Variants in CSNK1E observed in about 807,000 individuals in gnomAD.
The protein encoded by CSNK1E is casein kinase I isoform epsilon.
A neutral mutation model predicts 46.1 loss-of-function variants in CSNK1E; 17 were observed. That is an observed-to-expected ratio of 0.37 (90% CI 0.25 to 0.55). CSNK1E has a LOEUF of 0.55. Among genes scored for constraint, CSNK1E ranks in the 20% least tolerant of loss-of-function variants. CSNK1E has a pLI of 0.82. For synonymous variants in CSNK1E, 241 were observed against 242.6 expected (o/e 0.99, Z 0.06); for missense variants, 386 against 595.4 (o/e 0.65, Z 3.66).
chr22:38,306,746 A>T (rs1346863124), intron 2 of CSNK1E, among the ~76,000 whole-genome samples: 1 of 146,542 alleles, frequency 6.8e-6, no homozygotes, highest in African/African-American at 2.6e-5. Context: ...AAAAAAAAAA[A>T]AATTAAAAAT....
intron 2 of CSNK1E, among the ~76,000 whole-genome samples, chr22:38,310,962 A>C (rs2092718319): frequency 6.6e-6 from 1 of 152,206 alleles, no homozygotes; most frequent in Non-Finnish European, 1.5e-5. Context: ...CAAACCAACA[A>C]GACAGGGGCC....
intron 1 of CSNK1E, among the ~76,000 whole-genome samples, chr22:38,316,033 A>C (rs2092743751): frequency 6.6e-6 from 1 of 151,862 alleles, no homozygotes; most frequent in South Asian, 2.1e-4. Context: ...AAAGCCTCCC[A>C]GAGGAGAGCA....
chr22:38,305,322 G>C (rs765884513), intron 2 of CSNK1E, among the ~76,000 whole-genome samples: 1 of 151,254 alleles, frequency 6.6e-6, no homozygotes, highest in South Asian at 2.1e-4. Flanking sequence ...TCCACTCAAC[G>C]TTTAATAAGA....
At chr22:38,296,992 T>A in intron 7 of CSNK1E, 1 of 651,264 alleles carries the variant, frequency 1.5e-6, no homozygotes, top group Non-Finnish European at 2.8e-6. Context: ...CAGGCTGGTC[T>A]TAAACTCCTG....
chr22:38,296,547 G>T (rs763586703), intron 7 of CSNK1E: 1 of 1,611,656 alleles, frequency 6.2e-7, no homozygotes, highest in Admixed American at 1.7e-5. Context: ...CACTACAGTG[G>T]CCGTGGCATT....
intron 2 of CSNK1E, among the ~76,000 whole-genome samples, chr22:38,304,506 C>A (rs1373894148): frequency 6.6e-6 from 1 of 152,190 alleles, no homozygotes; most frequent in African/African-American, 2.4e-5. Context: ...GTACATCCTT[C>A]AGAAACACGT....
chr22:38,307,101 G>A (rs7284708), intron 2 of CSNK1E, among the ~76,000 whole-genome samples: 19,840 of 152,112 alleles, frequency 0.13, 1,379 homozygotes, highest in Admixed American at 0.21. Context: ...AACCTAGTAA[G>A]TCAAGGTTGC....
At chr22:38,302,013 A>G (rs1162356893) in intron 4 of CSNK1E, among the ~76,000 whole-genome samples, 1 of 152,184 alleles carries the variant, frequency 6.6e-6, no homozygotes, top group African/African-American at 2.4e-5. Flanking sequence ...AGGGCTTAGT[A>G]CTTAACAACA....
In CSNK1E at chr22:38,294,582, G is replaced by A; in HGVS notation, c.886-48C>T. 1 of 1,509,850 alleles carries A rather than the reference G, an allele frequency of 6.6e-7. No homozygotes were observed. Among genetic ancestry groups the A allele is most frequent in the Non-Finnish European group, 8.9e-7 (1 of 1,125,070 alleles). The allele number at this position is 1,509,850 out of a possible 1,614,324, so 93.5% of individuals were successfully genotyped here. On this transcript the variant is annotated intron_variant, in intron 7 of 10. Transcript: ENST00000396832. This position sits in a 1 kb window ranked among gnomAD's most constrained non-coding sequence, Gnocchi z 5.5. The stretch of plus-strand genomic sequence containing the variant: ...ACCAGTCAGCCCCAGAGGCCAGGGT[G>A]CTCTGGGCCCAGCAGCCCTGCAGGG...
intron 1 of CSNK1E, among the ~76,000 whole-genome samples, chr22:38,315,962 C>T (rs139777354): frequency 6.6e-6 from 1 of 152,222 alleles, no homozygotes; most frequent in Non-Finnish European, 1.5e-5. Flanking sequence ...AGTCGCTCCC[C>T]AACACCCCAG....
intron 2 of CSNK1E, among the ~76,000 whole-genome samples, chr22:38,310,980 G>A (rs771390564): frequency 2.6e-5 from 4 of 152,210 alleles, no homozygotes; most frequent in African/African-American, 7.2e-5. Context: ...GCCCAGGAGG[G>A]TGCTGGCAGG....
chr22:38,299,072 G>A (rs1171083933), intron 6 of CSNK1E, 138 bp from the exon 7 acceptor site: 15 of 928,538 alleles, frequency 1.6e-5, no homozygotes, highest in Non-Finnish European at 2.1e-5. Flanking sequence ...AGGCAACAGA[G>A]CCATGGCCTT....
At position 38,294,360 on chromosome 22, in the gene CSNK1E, A is replaced by G; in HGVS notation, c.1060T>C (p.Ser354Pro). 6.4e-7 allele frequency: 1 copy of G among 1,564,550 alleles called. No homozygotes were observed. Among genetic ancestry groups the G allele is most frequent in the Non-Finnish European group, 8.6e-7 (1 of 1,158,668 alleles). ...TGCTCACCAGCCGGCTGGATGCGGGAGGCTGGCGTGGAAGCCACGGGCTCG... is the reference window on the plus strand; with the variant it reads ...TGCTCACCAGCCGGCTGGATGCGGGGGGCTGGCGTGGAAGCCACGGGCTCG... ...AAEPVASTPA[S>P]RIQPAGNTSP... is the part of the protein sequence containing the mutation. Residue 354 changes from serine (S) to proline (P), a missense_variant, in exon 8 of 11, where the codon TCC becomes CCC. Coordinates refer to ENST00000396832, the MANE Select transcript of CSNK1E (RefSeq NM_152221.3). The surrounding 1 kb of genome is among the most constrained non-coding windows in gnomAD (Gnocchi z 5.5).
chr22:38,311,214 A>T (rs983159825), intron 2 of CSNK1E, among the ~76,000 whole-genome samples: 4 of 151,926 alleles, frequency 2.6e-5, no homozygotes, highest in Non-Finnish European at 5.9e-5. Flanking sequence ...ACTTTGCACG[A>T]CCCCATTTTG....
intron 2 of CSNK1E, among the ~76,000 whole-genome samples, 190 bp downstream of exon 2, chr22:38,313,892 G>A (rs1463774607): frequency 6.6e-6 from 1 of 152,126 alleles, no homozygotes; most frequent in African/African-American, 2.4e-5. Context: ...GCCCAGCCTG[G>A]CCTGCGAGAG....
At chr22:38,311,159 G>A (rs2092719191) in intron 2 of CSNK1E, among the ~76,000 whole-genome samples, 1 of 152,162 alleles carries the variant, frequency 6.6e-6, no homozygotes, top group Non-Finnish European at 1.5e-5. Context: ...CAGCACTACT[G>A]CTGGGCCCAG....
At chr22:38,301,333 A>G (rs987714271) in intron 4 of CSNK1E, among the ~76,000 whole-genome samples, 16 of 152,216 alleles carry the variant, frequency 1.1e-4, no homozygotes, top group African/African-American at 3.9e-4. Context: ...GGCAGGGAAC[A>G]TGGGGGAAGC....
intron 2 of CSNK1E, among the ~76,000 whole-genome samples, chr22:38,313,361 A>G (rs2092729253): frequency 6.6e-6 from 1 of 152,184 alleles, no homozygotes; most frequent in Non-Finnish European, 1.5e-5. Flanking sequence ...AAGCACCAAC[A>G]CTAAATACCT....
chr22:38,300,844 C>T lies in CSNK1E; in HGVS notation c.445G>A (p.Asp149Asn). Residue 149 changes from aspartate (D) to asparagine (N), a missense_variant, in exon 5 of 11, where the codon GAC becomes AAC. Physicochemically the swap from Asp to Asn is conservative, Grantham distance 23 (BLOSUM62 1). Transcript: ENST00000396832. The surrounding 1 kb of genome is among the most constrained non-coding windows in gnomAD (Gnocchi z 4.4). The stretch of plus-strand genomic sequence containing the variant: ...CGGTACTTCTTGGCCAGGCCGAAGT[C>T]GATGATGTAGACCAGGTTGCCCTTC... ...GKKGNLVYII[D>N]FGLAKKYRDA... 1.2e-6 allele frequency: 2 copies of T among 1,614,192 alleles called. No homozygotes were observed. Among genetic ancestry groups the T allele is most frequent in the Non-Finnish European group, 1.7e-6 (2 of 1,180,022 alleles).
Sources: gnomAD v4.1 joint callset for allele counts (sites outside exome capture counted in the v4.1 genomes callset) on GRCh38, gnomAD v4.1.1 for gene constraint, Gnocchi (gnomAD v3.1) non-coding constraint, MANE v1.5 for transcripts, NCBI Gene and HGNC (gene_info 2026-07-23, HGNC 2026-07-21) for gene names.